Variants in SENP5 observed in about 807,000 individuals in gnomAD.
SENP5 encodes the protein sentrin-specific protease 5.
SENP5 carries 21 observed loss-of-function variants against 74.2 expected under a neutral mutation model. The ratio of observed to expected loss-of-function variants is 0.28; its 90% CI spans 0.20 to 0.41. The LOEUF (loss-of-function observed/expected upper bound fraction) is 0.41, where lower values mean the gene tolerates loss of function less well. SENP5 is among the 10% of genes least tolerant of loss of function. The pLI is 1.00. For synonymous variants in SENP5, 311 were observed against 312.7 expected (o/e 0.99, Z 0.06); for missense variants, 717 against 889.1 (o/e 0.81, Z 2.46).
intron 6 of SENP5, among the ~76,000 whole-genome samples, chr3:196,907,841 G>A (rs1017574926): frequency 6.6e-5 from 10 of 152,170 alleles, no homozygotes; most frequent in African/African-American, 2.4e-4. Context: ...CATGCTGCCC[G>A]TGGGCTGTGG....
intron 5 of SENP5, among the ~76,000 whole-genome samples, chr3:196,903,321 G>A (rs1714775687): frequency 6.6e-6 from 1 of 152,028 alleles, no homozygotes; most frequent in Admixed American, 6.6e-5. Flanking sequence ...TGTATTTTTA[G>A]GAGAGACAGT....
chr3:196,890,155 G>C (rs1452469414), intron 2 of SENP5, among the ~76,000 whole-genome samples: 2 of 152,182 alleles, frequency 1.3e-5, no homozygotes, highest in Non-Finnish European at 2.9e-5. Flanking sequence ...TTCTCAGCAA[G>C]TTACCTAAGT....
Position 196,886,344 on chromosome 3 carries a change from C to T in SENP5, c.1163C>T (p.Ser388Leu), listed in dbSNP as rs748131354. The T allele has an allele frequency of 1.2e-6, 2 of 1,613,628 alleles. No homozygotes were observed. The highest frequency in any genetic ancestry group is 2.2e-5 in the South Asian group (2 of 90,942). Residue 388 changes from serine (S) to leucine (L), a missense_variant, in exon 2 of 10, where the codon TCA becomes TTA. Physicochemically the swap from Ser to Leu is moderately radical, Grantham distance 145 (BLOSUM62 -2). Transcript: ENST00000323460. The part of the protein sequence containing the change: ...PEHRSNTMFI[S>L]ETEREIMTLG... ...CATCGTTCTAATACCATGTTCATTT[C>T]AGAAACTGAAAGAGAAATTATGACT...
intron 7 of SENP5, among the ~76,000 whole-genome samples, chr3:196,926,639 CTT>C (rs1192258612): frequency 1.0e-4 from 13 of 126,648 alleles, no homozygotes; most frequent in Admixed American, 2.4e-4. Context: ...TCCAGTCCAC[CTT>C]TTTTTTTTTT....
intron 1 of SENP5, among the ~76,000 whole-genome samples, chr3:196,877,777 C>G (rs568526048): frequency 6.6e-6 from 1 of 152,218 alleles, no homozygotes; most frequent in Admixed American, 6.5e-5. Flanking sequence ...CTACAGAATC[C>G]CAGGTTGCCT....
At chr3:196,908,064 T>C (rs1714978748) in intron 6 of SENP5, among the ~76,000 whole-genome samples, 1 of 152,046 alleles carries the variant, frequency 6.6e-6, no homozygotes, top group Non-Finnish European at 1.5e-5. Flanking sequence ...GAGGATTGCT[T>C]GAGCCCAAGA....
chr3:196,885,148 C>A lies in SENP5; in HGVS notation c.-31-3C>A. On this transcript the variant is annotated splice_polypyrimidine_tract_variant and splice_region_variant and intron_variant, in intron 1 of 9. Coordinates refer to ENST00000323460, the MANE Select transcript of SENP5 (RefSeq NM_152699.5). ...AAATATAACTTACTTCTCTTCTTTACAGCTGCATCCAGATCTCATTATGCA... is the reference window on the plus strand; with the variant it reads ...AAATATAACTTACTTCTCTTCTTTAAAGCTGCATCCAGATCTCATTATGCA... The A allele has an allele frequency of 6.6e-7, 1 of 1,507,016 alleles. No individual in the cohort carries two copies. Among genetic ancestry groups the A allele is most frequent in the Non-Finnish European group, 9.1e-7 (1 of 1,102,640 alleles). 93.4% of individuals were successfully genotyped at this position (1,507,016 alleles called of 1,614,324 possible).
At chr3:196,900,557 G>A (rs974606595) in intron 5 of SENP5, 145 bp downstream of exon 5, 2 of 577,930 alleles carry the variant, frequency 3.5e-6, no homozygotes, top group African/African-American at 3.9e-5. Context: ...ATCATGTACT[G>A]GGCTTGATCG....
intron 5 of SENP5, 98 bp downstream of exon 5, chr3:196,900,510 C>A: frequency 2.9e-6 from 3 of 1,019,424 alleles, no homozygotes; most frequent in Admixed American, 2.6e-5. Flanking sequence ...TCTGACATTC[C>A]TTAAATTTTT....
chr3:196,898,509 G>A (rs192278898), intron 2 of SENP5, among the ~76,000 whole-genome samples: 1 of 151,598 alleles, frequency 6.6e-6, no homozygotes, highest in East Asian at 2.0e-4. Flanking sequence ...GCAGGAGGAT[G>A]GCTTGAGCCC....
At chr3:196,910,417 G>A (rs1285373103) in intron 6 of SENP5, among the ~76,000 whole-genome samples, 1 of 132,034 alleles carries the variant, frequency 7.6e-6, no homozygotes, top group Non-Finnish European at 1.5e-5. Context: ...CATGATCGTG[G>A]CTCACTGCAA....
At chr3:196,881,553 A>G (rs1713725740) in intron 1 of SENP5, among the ~76,000 whole-genome samples, 1 of 152,128 alleles carries the variant, frequency 6.6e-6, no homozygotes, top group Non-Finnish European at 1.5e-5. Flanking sequence ...AGGAACATTT[A>G]AAAAGCTTTA....
At chr3:196,928,928 A>T (rs796597987) in intron 8 of SENP5, among the ~76,000 whole-genome samples, 12 of 152,268 alleles carry the variant, frequency 7.9e-5, no homozygotes, top group African/African-American at 2.9e-4. Flanking sequence ...AGTGGCTCAC[A>T]CCTGTAATCC....
intron 1 of SENP5, among the ~76,000 whole-genome samples, chr3:196,870,844 G>T (rs1438417764): frequency 7.2e-5 from 11 of 152,042 alleles, no homozygotes; most frequent in African/African-American, 2.7e-4. Context: ...TCTACAACCA[G>T]ATGACAAAGG....
At chr3:196,918,781 A>G (rs770668469) in intron 6 of SENP5, among the ~76,000 whole-genome samples, 1 of 152,170 alleles carries the variant, frequency 6.6e-6, no homozygotes, top group Admixed American at 6.5e-5. Context: ...CTTCACCTAT[A>G]AAGATATACA....
intron 1 of SENP5, among the ~76,000 whole-genome samples, chr3:196,871,126 C>T (rs1560135843): frequency 6.6e-6 from 1 of 151,752 alleles, no homozygotes; most frequent in Non-Finnish European, 1.5e-5. Flanking sequence ...GCCGAGGTTG[C>T]ACCATTGCAT....
intron 2 of SENP5, among the ~76,000 whole-genome samples, chr3:196,891,310 G>A (rs570631649): frequency 8.0e-6 from 1 of 125,468 alleles, no homozygotes; most frequent in South Asian, 2.8e-4. Flanking sequence ...AGAGGTGACT[G>A]TTAATGGGTA....
intron 1 of SENP5, among the ~76,000 whole-genome samples, chr3:196,879,765 A>G (rs1713641093): frequency 6.6e-6 from 1 of 151,992 alleles, no homozygotes; most frequent in Admixed American, 6.6e-5. Context: ...CTTTTTTGTT[A>G]GTTGTTATGT....
intron 3 of SENP5, 35 bp from the exon 4 acceptor site, chr3:196,899,889 T>C (rs1351484978): frequency 6.2e-7 from 1 of 1,608,014 alleles, no homozygotes; most frequent in East Asian, 2.2e-5. Context: ...ACTCATGTTT[T>C]TTTTACCTTT....
Sources: allele counts gnomAD v4.1 joint callset (sites outside exome capture counted in the v4.1 genomes callset), GRCh38; gene constraint gnomAD v4.1.1; transcripts MANE v1.5; gene names NCBI Gene and HGNC (gene_info 2026-07-23, HGNC 2026-07-21).